The following THSD4 variants were observed in gnomAD, a reference collection of about 807,000 sequenced individuals.
THSD4 encodes the protein thrombospondin type 1 domain containing 4.
A neutral mutation model predicts 119.0 loss-of-function variants in THSD4; 69 were observed. The observed-to-expected ratio is 0.58, with a 90% CI of 0.48 to 0.71. THSD4 has a LOEUF of 0.71. THSD4 is among the 30% of genes least tolerant of loss of function. The pLI, the probability that THSD4 is intolerant of heterozygous loss-of-function variation, is 0.00. For synonymous variants in THSD4, 524 were observed against 540.4 expected, an observed-to-expected ratio of 0.97 and a Z score of 0.42; for missense variants, 1,393 against 1,391.1, an observed-to-expected ratio of 1.00 and a Z score of -0.02.
chr15:71,411,257 T>G (rs766912609), intron 6 of THSD4, among the ~76,000 whole-genome samples: 1 of 152,198 alleles, frequency 6.6e-6, no homozygotes, highest in Non-Finnish European at 1.5e-5. Flanking sequence ...CACTACTATA[T>G]GCAAATAGAT....
At chr15:71,744,887 C>T (rs986257506) in intron 11 of THSD4, among the ~76,000 whole-genome samples, 3 of 152,168 alleles carry the variant, frequency 2.0e-5, no homozygotes, top group South Asian at 2.1e-4. Context: ...TTAGGGCAGG[C>T]TCTTCTTTGC....
intron 5 of THSD4, among the ~76,000 whole-genome samples, chr15:71,248,588 C>T (rs957588299): frequency 6.6e-6 from 1 of 152,170 alleles, no homozygotes; most frequent in African/African-American, 2.4e-5. Flanking sequence ...CTAAAAGCAG[C>T]TTTTAGCAAA....
chr15:71,350,748 G>A (rs1330816140), intron 6 of THSD4, among the ~76,000 whole-genome samples: 2 of 152,152 alleles, frequency 1.3e-5, no homozygotes, highest in East Asian at 3.9e-4. Context: ...GGCCTTGGGG[G>A]AGGGCACATG....
intron 6 of THSD4, among the ~76,000 whole-genome samples, chr15:71,391,442 G>A (rs1166005421): frequency 1.3e-5 from 2 of 152,154 alleles, no homozygotes; most frequent in African/African-American, 4.8e-5. Context: ...GCTTCCCAAA[G>A]GACTAAGATT....
At chr15:71,128,306 C>G (rs551297860) in intron 1 of THSD4, among the ~76,000 whole-genome samples, 1 of 151,870 alleles carries the variant, frequency 6.6e-6, no homozygotes, top group Non-Finnish European at 1.5e-5. Context: ...GTGGGTAGAT[C>G]ACCTGAGGTC....
intron 7 of THSD4, among the ~76,000 whole-genome samples, chr15:71,619,935 C>T (rs1407819354): frequency 6.6e-6 from 1 of 152,190 alleles, no homozygotes; most frequent in Non-Finnish European, 1.5e-5. Context: ...GACATATTCT[C>T]CATCAAGTGT....
intron 6 of THSD4, among the ~76,000 whole-genome samples, chr15:71,330,115 G>A (rs982061871): frequency 2.0e-5 from 3 of 151,652 alleles, no homozygotes; most frequent in African/African-American, 7.3e-5. Flanking sequence ...CACCATGATT[G>A]TTCTAGTATT....
In THSD4 at chr15:71,522,374, C is replaced by T. The variant is rs573265310; in HGVS notation, c.1152+110551C>T. ...ATGGTAGAAGCAAACTCAAAACTGT[C>T]CTTTGGGCTGCCTCCCCAGTCCAGG... On this transcript the variant is annotated intron_variant, in intron 7 of 17. Transcript: ENST00000261862. Among the ~76,000 whole-genome samples, 343 of 152,198 alleles carry T rather than the reference C, an allele frequency of 2.3e-3. 10 individuals carry two copies. In the South Asian group the frequency reaches 0.067, roughly 30 times the overall value.
At chr15:71,390,962 G>A (rs1327541058) in intron 6 of THSD4, among the ~76,000 whole-genome samples, 1 of 138,868 alleles carries the variant, frequency 7.2e-6, no homozygotes, top group Non-Finnish European at 1.5e-5. Flanking sequence ...TGATGCTCAA[G>A]GGATCCTCCC....
chr15:71,753,090 C>T (rs1469881642), intron 14 of THSD4, among the ~76,000 whole-genome samples: 1 of 152,104 alleles, frequency 6.6e-6, no homozygotes, highest in Non-Finnish European at 1.5e-5. Flanking sequence ...GTCTTATTGC[C>T]CAATTTAAAA....
rs1237758509 is a variant in THSD4, at chr15:71,682,021, A to G, written c.1357+21287A>G. On this transcript the variant is annotated intron_variant, in intron 8 of 17. Transcript: ENST00000261862. ...GTGAGGGTCATGGGCACGGTCTCTCAGTACCATTCAGCATGGGGACCCTTG... is the reference window on the plus strand; with the variant it reads ...GTGAGGGTCATGGGCACGGTCTCTCGGTACCATTCAGCATGGGGACCCTTG... Among the ~76,000 whole-genome samples, 4 of 152,204 alleles carry G rather than the reference A, an allele frequency of 2.6e-5. No individual in the cohort carries two copies. The East Asian group carries it at 7.7e-4, about 29-fold the overall frequency.
intron 11 of THSD4, 139 bp from the exon 12 acceptor site, chr15:71,744,967 A>G: frequency 9.5e-7 from 1 of 1,055,572 alleles, no homozygotes; most frequent in African/African-American, 1.6e-5. Context: ...GGGGAGCGTA[A>G]GTGTGCATGC....
chr15:71,372,092 T>G (rs1418390514), intron 6 of THSD4, among the ~76,000 whole-genome samples: 3 of 152,272 alleles, frequency 2.0e-5, no homozygotes, highest in Admixed American at 1.3e-4. Context: ...GCTTGTGCAT[T>G]CGTCACGTAG....
rs2043537947 is a variant in THSD4, at chr15:71,182,229, T to C, written c.99+27297T>C. 1.3e-5 allele frequency among the ~76,000 whole-genome samples: 2 copies of C among 151,814 alleles called. 1 individual carries two copies. The highest frequency in any genetic ancestry group is 4.2e-4 in the South Asian group (2 of 4,742). On this transcript the variant is annotated intron_variant, in intron 3 of 17. Transcript: ENST00000261862. ...TTCTTTTGTTCTAGAGTTTGCCTGCTTCACAGAAACCCACACAATCTGAGT... is the reference window on the plus strand; with the variant it reads ...TTCTTTTGTTCTAGAGTTTGCCTGCCTCACAGAAACCCACACAATCTGAGT...
At chr15:71,248,261 G>A (rs1229128063) in intron 5 of THSD4, among the ~76,000 whole-genome samples, 2 of 152,128 alleles carry the variant, frequency 1.3e-5, no homozygotes, top group East Asian at 1.9e-4. Context: ...AGCTTGGGGG[G>A]CAGAGTAATA....
intron 1 of THSD4, among the ~76,000 whole-genome samples, chr15:71,133,670 C>T (rs1159583752): frequency 2.0e-5 from 3 of 152,168 alleles, no homozygotes; most frequent in African/African-American, 7.2e-5. Flanking sequence ...GGTTTTTCCC[C>T]ACTTTGATCT....
intron 3 of THSD4, among the ~76,000 whole-genome samples, chr15:71,196,012 A>G (rs909599596): frequency 6.6e-6 from 1 of 152,180 alleles, no homozygotes; most frequent in African/African-American, 2.4e-5. Flanking sequence ...TATTTCTTAC[A>G]GTTCTGGGGG....
intron 6 of THSD4, among the ~76,000 whole-genome samples, chr15:71,314,533 C>T (rs2045159644): frequency 1.3e-5 from 2 of 152,154 alleles, no homozygotes; most frequent in Non-Finnish European, 2.9e-5. Context: ...TCTTGAACTC[C>T]TGACCTCTGA....
In THSD4 at chr15:71,379,450, CTTTTTTTTTTTTTTT is replaced by C. The variant is rs34326932; in HGVS notation, c.1016-32225_1016-32211del. Among the ~76,000 whole-genome samples, 3 of 77,590 alleles carry C rather than the reference CTTTTTTTTTTTTTTT, an allele frequency of 3.9e-5. No individual in the cohort carries two copies. In the Admixed American group the frequency reaches 5.2e-4, roughly 13 times the overall value. 50.9% of individuals were successfully genotyped at this position (77,590 alleles called of 152,430 possible). On this transcript the variant is annotated intron_variant, in intron 6 of 17. Transcript: ENST00000261862. The stretch of plus-strand genomic sequence containing the variant: ...GACAAATTACTGAAGCAAATGGCTT[CTTTTTTTTTTTTTTT>C]TTTTTTTTTTTGAGATGGAGTCTTG...
Sources: allele counts gnomAD v4.1 joint callset (sites outside exome capture counted in the v4.1 genomes callset), GRCh38; gene constraint gnomAD v4.1.1; transcripts MANE v1.5; gene names NCBI Gene and HGNC (gene_info 2026-07-23, HGNC 2026-07-21).